Variants in CADPS observed in about 807,000 individuals in gnomAD.
CADPS encodes calcium-dependent secretion activator 1.
CADPS carries 57 observed loss-of-function variants against 167.3 expected under a neutral mutation model. The observed-to-expected ratio is 0.34, with a 90% confidence interval of 0.28 to 0.42. The LOEUF (loss-of-function observed/expected upper bound fraction) is 0.42. Among genes scored for constraint, CADPS ranks in the 20% least tolerant of loss-of-function variants. The pLI, the probability that CADPS is intolerant of heterozygous loss-of-function variation, is 1.00. For synonymous variants in CADPS, 676 were observed against 635.3 expected (o/e 1.06, Z -0.96); for missense variants, 1,414 against 1,738.1 (o/e 0.81, Z 3.32).
rs1222786005 is a variant in CADPS at position 62,853,414 on chromosome 3, CA to C, written c.441+21174del. On this transcript the variant is annotated intron_variant, in intron 1 of 29. Coordinates refer to ENST00000383710, the MANE Select transcript of CADPS (RefSeq NM_003716.4). ...CTGAGGTGGATGGGTCACCTGAGGT[CA>C]AGAGTTCAAGACAAGCCTGGCCAAC... Among the ~76,000 whole-genome samples, 28 of 151,408 alleles carry C rather than the reference CA, an allele frequency of 1.8e-4. 1 individual carries two copies. Among genetic ancestry groups the C allele is most frequent in the African/African-American group, 6.1e-4 (25 of 41,268 alleles).
chr3:62,570,530 T>C (rs553291334), intron 9 of CADPS, among the ~76,000 whole-genome samples: 1 of 152,226 alleles, frequency 6.6e-6, no homozygotes, highest in Non-Finnish European at 1.5e-5. Context: ...CCTTCTGGAA[T>C]CCTCCATCCC....
chr3:62,862,256 C>T (rs1170147904), intron 1 of CADPS, among the ~76,000 whole-genome samples: 6 of 139,438 alleles, frequency 4.3e-5, no homozygotes, highest in Non-Finnish European at 6.1e-5. Flanking sequence ...CTTGCTCTGT[C>T]GCCAGTCTGG....
chr3:62,402,289 T>G (rs1706644904), intron 29 of CADPS, among the ~76,000 whole-genome samples: 2 of 148,286 alleles, frequency 1.3e-5, no homozygotes, highest in East Asian at 4.1e-4. Flanking sequence ...TTTGGCAAAC[T>G]GTTAAGAAAT....
At chr3:62,786,262 GA>G (rs1218905270) in intron 1 of CADPS, among the ~76,000 whole-genome samples, 3 of 151,838 alleles carry the variant, frequency 2.0e-5, no homozygotes, top group African/African-American at 4.8e-5. Context: ...GTTAATCAGT[GA>G]AAAAAAGGAT....
intron 1 of CADPS, among the ~76,000 whole-genome samples, chr3:62,861,865 G>A (rs2080863267): frequency 6.6e-6 from 1 of 152,076 alleles, no homozygotes; most frequent in Non-Finnish European, 1.5e-5. Context: ...AACTTGCTTT[G>A]CATTATCTCA....
At chr3:62,807,322 C>A (rs575251263) in intron 1 of CADPS, among the ~76,000 whole-genome samples, 27,508 of 150,184 alleles carry the variant, frequency 0.18, 2,817 homozygotes, top group Middle Eastern at 0.33. Context: ...AGGGCACTGG[C>A]GTGATCTCAG....
intron 26 of CADPS, among the ~76,000 whole-genome samples, chr3:62,454,569 A>G (rs1337524866): frequency 6.6e-6 from 1 of 152,198 alleles, no homozygotes; most frequent in African/African-American, 2.4e-5. Flanking sequence ...TTTGAAGGGA[A>G]AAGTCCTACC....
intron 28 of CADPS, among the ~76,000 whole-genome samples, chr3:62,423,125 C>A (rs557664735): frequency 6.6e-6 from 1 of 152,182 alleles, no homozygotes; most frequent in East Asian, 1.9e-4. Flanking sequence ...TTCCCTACTG[C>A]GCTGTAGTCT....
At chr3:62,713,343 T>G (rs952039) in intron 3 of CADPS, among the ~76,000 whole-genome samples, 2 of 151,846 alleles carry the variant, frequency 1.3e-5, no homozygotes, top group Non-Finnish European at 2.9e-5. Flanking sequence ...CAGACCAGAT[T>G]GAAGACTGGC....
At chr3:62,829,442 G>A (rs1424883555) in intron 1 of CADPS, among the ~76,000 whole-genome samples, 1 of 151,992 alleles carries the variant, frequency 6.6e-6, no homozygotes, top group Non-Finnish European at 1.5e-5. Context: ...ATCTGCGGAG[G>A]GTCCTGGAAG....
rs570244988 is a variant in CADPS at position 62,817,497 on chromosome 3, T to A, written c.442-51513A>T. 2.8e-3 allele frequency among the ~76,000 whole-genome samples: 433 copies of A among 152,328 alleles called. 1 individual carries two copies. Among genetic ancestry groups the A allele is most frequent in the Non-Finnish European group, 4.7e-3 (319 of 68,032 alleles). ...AAATCTACTGCACAGTTTGGATGTTTAAGTTTGTAGAAACTTTTTGATTCT... is the reference window on the plus strand; with the variant it reads ...AAATCTACTGCACAGTTTGGATGTTAAAGTTTGTAGAAACTTTTTGATTCT... On this transcript the variant is annotated intron_variant, in intron 1 of 29. Transcript: ENST00000383710.
intron 19 of CADPS, among the ~76,000 whole-genome samples, chr3:62,493,410 T>C (rs1298126364): frequency 6.6e-6 from 1 of 152,118 alleles, no homozygotes; most frequent in Admixed American, 6.6e-5. Flanking sequence ...ACATCCCCAT[T>C]CAATGCCGCA....
chr3:62,795,297 C>A, intron 1 of CADPS, among the ~76,000 whole-genome samples: 1 of 152,088 alleles, frequency 6.6e-6, no homozygotes, highest in East Asian at 1.9e-4. Flanking sequence ...TCTTCCACTA[C>A]AACCCTTTCA....
At chr3:62,573,223 C>G (rs2081608995) in intron 8 of CADPS, among the ~76,000 whole-genome samples, 1 of 152,174 alleles carries the variant, frequency 6.6e-6, no homozygotes. Flanking sequence ...ACCTATAATA[C>G]TTTGTACAAT....
At chr3:62,832,059 G>A (rs2075183575) in intron 1 of CADPS, among the ~76,000 whole-genome samples, 1 of 152,174 alleles carries the variant, frequency 6.6e-6, no homozygotes, top group South Asian at 2.1e-4. Context: ...ACATTTCATT[G>A]TTGATAGGTA....
chr3:62,498,878 C>A (rs1279525033), intron 18 of CADPS, among the ~76,000 whole-genome samples: 1 of 151,914 alleles, frequency 6.6e-6, no homozygotes, highest in African/African-American at 2.4e-5. Context: ...CAATGGTAAC[C>A]AGATGCTGCT....
intron 1 of CADPS, among the ~76,000 whole-genome samples, chr3:62,786,281 A>C (rs1299361844): frequency 2.6e-5 from 4 of 152,176 alleles, no homozygotes; most frequent in African/African-American, 9.7e-5. Context: ...GATGTTATGC[A>C]GAAAGCAATT....
At chr3:62,855,057 T>A (rs1339578920) in intron 1 of CADPS, among the ~76,000 whole-genome samples, 5 of 148,058 alleles carry the variant, frequency 3.4e-5, no homozygotes, top group South Asian at 4.3e-4. Flanking sequence ...CCCCAGTAGC[T>A]GGGACTACAG....
chr3:62,861,776 C>T (rs2080846888), intron 1 of CADPS, among the ~76,000 whole-genome samples: 1 of 152,168 alleles, frequency 6.6e-6, no homozygotes. Flanking sequence ...CATCTACCAT[C>T]ATGAACCAAC....
Sources: allele counts gnomAD v4.1 joint callset (sites outside exome capture counted in the v4.1 genomes callset), GRCh38; gene constraint gnomAD v4.1.1; transcripts MANE v1.5; gene names NCBI Gene and HGNC (gene_info 2026-07-23, HGNC 2026-07-21).